The following TRMT5 variants were observed in gnomAD, a reference collection of about 807,000 sequenced individuals.
The protein encoded by TRMT5 is tRNA methyltransferase 5.
TRMT5 carries 31 observed loss-of-function variants against 42.2 expected under a neutral mutation model. The ratio of observed to expected loss-of-function variants is 0.73; its 90% CI spans 0.55 to 0.99. TRMT5 has a LOEUF of 0.99. TRMT5 is among the 50% of genes least tolerant of loss of function. The pLI is 0.00. For synonymous variants in TRMT5, 198 were observed against 209.6 expected, an observed-to-expected ratio of 0.94 and a Z score of 0.48; for missense variants, 568 against 595.0, an observed-to-expected ratio of 0.95 and a Z score of 0.47.
chr14:60,981,551 C>A (rs1466358771), upstream of TRMT5: 1 of 1,529,420 alleles, frequency 6.5e-7, no homozygotes, highest in Non-Finnish European at 8.7e-7. Context: ...ATGAGATTGG[C>A]GCAGTTATGA....
rs917273828 is a variant in TRMT5 at position 60,971,614 on chromosome 14, C to G, written c.*3495G>C. 1 of 189,482 alleles carries G rather than the reference C, an allele frequency of 5.3e-6. No homozygotes were observed. Among genetic ancestry groups the G allele is most frequent in the Non-Finnish European group, 1.0e-5 (1 of 95,544 alleles). The allele number at this position is 189,482 out of a possible 1,614,324, so 11.7% of individuals were successfully genotyped here. The stretch of plus-strand genomic sequence containing the variant: ...CTATAAAACCCAATGAAGTCCTCAT[C>G]TGATGCTCTGAACAGGGAAAGTTTA... On this transcript the variant is annotated 3_prime_UTR_variant, in exon 5 of 5. Coordinates refer to ENST00000261249, the MANE Select transcript of TRMT5 (RefSeq NM_020810.3).
Position 60,975,550 on chromosome 14 carries a change from G to T in TRMT5, c.1369C>A (p.Pro457Thr), listed in dbSNP as rs1285295322. 1 of 1,614,176 alleles carries T rather than the reference G, an allele frequency of 6.2e-7. No individual in the cohort carries two copies. The highest frequency in any genetic ancestry group is 1.7e-5 in the Admixed American group (1 of 60,024). ...SSVHLVRNVA[P>T]NKEMLCITFQ... ...GTGATGCACAGCATTTCCTTGTTTG[G>T]GGCCACATTTCTTACCAGGTGAACT... The change falls in exon 4 of 5, where the codon CCA (proline) becomes ACA (threonine). Residue 457 changes from proline to threonine, a missense_variant. Coordinates refer to ENST00000261249, the MANE Select transcript of TRMT5 (RefSeq NM_020810.3).
rs1270462148 is a variant in TRMT5, at chr14:60,971,475, T to C, written c.*3634A>G. The C allele has an allele frequency of 6.6e-6, 1 of 152,574 alleles. No individual in the cohort carries two copies. The highest frequency in any genetic ancestry group is 6.5e-5 in the Admixed American group (1 of 15,284). 9.5% of individuals were successfully genotyped at this position (152,574 alleles called of 1,614,324 possible). ...TCTTTCAAACTGTATCCAGCTTTAT[T>C]AAAGATACTTTCCATAAACAATCAT... On this transcript the variant is annotated 3_prime_UTR_variant, in exon 5 of 5. Coordinates refer to ENST00000261249, the MANE Select transcript of TRMT5 (RefSeq NM_020810.3).
chr14:60,976,794 C>T (rs1024456359), intron 3 of TRMT5, among the ~76,000 whole-genome samples: 1 of 152,246 alleles, frequency 6.6e-6, no homozygotes, highest in African/African-American at 2.4e-5. Flanking sequence ...TACAGTGAAG[C>T]TAATTCTTGA....
chr14:60,981,535 A>G (rs1253176604), upstream of TRMT5: 2 of 1,532,080 alleles, frequency 1.3e-6, no homozygotes, highest in African/African-American at 2.7e-5. Flanking sequence ...AGCCGCCGAG[A>G]TTCAGATGAG....
At position 60,975,531 on chromosome 14, in the gene TRMT5, C is replaced by T; in HGVS notation, c.1388G>A (p.Cys463Tyr). The part of the protein sequence containing the change: ...RNVAPNKEML[C>Y]ITFQIPASVL... ...AGAGGCAGGAATCTGAAACGTGATG[C>T]ACAGCATTTCCTTGTTTGGGGCCAC... is the stretch of plus-strand genomic sequence containing the variant. Residue 463 changes from cysteine (C) to tyrosine (Y), a missense_variant, in exon 4 of 5, where the codon TGC becomes TAC. Transcript: ENST00000261249. 1.2e-6 allele frequency: 2 copies of T among 1,614,202 alleles called. No individual in the cohort carries two copies. The highest frequency in any genetic ancestry group is 1.7e-6 in the Non-Finnish European group (2 of 1,180,024).
At position 60,974,476 on chromosome 14, in the gene TRMT5, T is replaced by C. The variant is rs1303022858; in HGVS notation, c.*633A>G. The C allele has an allele frequency of 1.3e-5, 2 of 152,326 alleles. No homozygotes were observed. Among genetic ancestry groups the C allele is most frequent in the African/African-American group, 4.8e-5 (2 of 41,466 alleles). The allele number at this position is 152,326 out of a possible 1,614,324, so 9.4% of individuals were successfully genotyped here. On this transcript the variant is annotated 3_prime_UTR_variant, in exon 5 of 5. Coordinates refer to ENST00000261249, the MANE Select transcript of TRMT5 (RefSeq NM_020810.3). ...CAGATGATATGTAAACAAATGAGCA[T>C]GGTATGTTCCAATCAAACTTTATGA...
At position 60,980,979 on chromosome 14, in the gene TRMT5, T is replaced by G; in HGVS notation, c.-6A>C. 1 of 1,611,662 alleles carries G rather than the reference T, an allele frequency of 6.2e-7. No homozygotes were observed. The highest frequency in any genetic ancestry group is 8.5e-7 in the Non-Finnish European group (1 of 1,179,928). The stretch of plus-strand genomic sequence containing the variant: ...CCACCTCACCAAAGCACCATTCCAA[T>G]TCCCCACGTCGCTCTGCAGCTGGAT... On this transcript the variant is annotated 5_prime_UTR_variant, in exon 1 of 5. Transcript: ENST00000261249.
At chr14:60,978,539 T>C (rs1182455226) in intron 2 of TRMT5, among the ~76,000 whole-genome samples, 1 of 152,224 alleles carries the variant, frequency 6.6e-6, no homozygotes, top group Non-Finnish European at 1.5e-5. Flanking sequence ...TGAAGGTCTA[T>C]AGTAAAAGCT....
chr14:60,980,776 AGTAAAAT>A (rs2036952833), intron 1 of TRMT5, 180 bp downstream of exon 1: 5 of 839,124 alleles, frequency 6.0e-6, no homozygotes, highest in Non-Finnish European at 9.2e-6. Context: ...TTTTCCCACC[AGTAAAAT>A]GTGGCGAAAG....
At position 60,981,055 on chromosome 14, in the gene TRMT5, G is replaced by A; in HGVS notation, c.-82C>T. 6.2e-7 allele frequency: 1 copy of A among 1,608,060 alleles called. No homozygotes were observed. The highest frequency in any genetic ancestry group is 8.5e-7 in the Non-Finnish European group (1 of 1,179,892). Reference sequence around the variant, plus strand: ...CTCCGGTACCGATCGGATGTGGGTCGCGGGTGGATGGGCGGGTCTTCTATG... The same window carrying A: ...CTCCGGTACCGATCGGATGTGGGTCACGGGTGGATGGGCGGGTCTTCTATG... On this transcript the variant is annotated 5_prime_UTR_variant, in exon 1 of 5. Transcript: ENST00000261249.
At chr14:60,977,395 G>A (rs1186117596) in intron 3 of TRMT5, 119 bp downstream of exon 3, 4 of 985,342 alleles carry the variant, frequency 4.1e-6, no homozygotes, top group East Asian at 5.3e-5. Flanking sequence ...ATACATAAGT[G>A]ATCACATTCT....
At chr14:60,981,092 GT>G, upstream of TRMT5, 1 of 1,596,172 alleles carries the variant, frequency 6.3e-7, no homozygotes, top group Non-Finnish European at 8.5e-7. Context: ...CATCATCACT[GT>G]TCGCCGCGAA....
intron 2 of TRMT5, among the ~76,000 whole-genome samples, chr14:60,978,604 GA>G (rs2036877758): frequency 6.6e-6 from 1 of 152,130 alleles, no homozygotes; most frequent in Non-Finnish European, 1.5e-5. Flanking sequence ...GTGCCTCTAT[GA>G]AAGAAAGTTT....
In TRMT5 at chr14:60,979,300, A is replaced by T; in HGVS notation, c.598T>A (p.Phe200Ile). The change falls in exon 2 of 5, where the codon TTT becomes ATT. Residue 200 changes from phenylalanine to isoleucine, a missense_variant. Phe to Ile is a conservative substitution (Grantham distance 21). Transcript: ENST00000261249. Reference sequence around the variant, plus strand: ...TGTGCAATATGTCCAATCCTGCTAAACCCTGAAGTTACATCTTGACCTTCA... The same window carrying T: ...TGTGCAATATGTCCAATCCTGCTAATCCCTGAAGTTACATCTTGACCTTCA... The part of the protein sequence containing the change: ...LPEGQDVTSG[F>I]SRIGHIAHLN... The T allele has an allele frequency of 6.2e-7, 1 of 1,614,120 alleles. No homozygotes were observed. Among genetic ancestry groups the T allele is most frequent in the Non-Finnish European group, 8.5e-7 (1 of 1,179,986 alleles).
At position 60,975,825 on chromosome 14, in the gene TRMT5, T is replaced by C; in HGVS notation, c.1094A>G (p.Lys365Arg). ...DGKDFLQGPV[K>R]EELMQLLGLS... ...ACCCAGCAGCTGCATTAACTCTTCT[T>C]TGACTGGTCCTTGGAGGAAGTCTTT... The change falls in exon 4 of 5, where the codon AAA (lysine) becomes AGA (arginine). Residue 365 changes from lysine (K) to arginine (R), a missense_variant. By Grantham distance (26) the Lys-to-Arg change is conservative. Transcript: ENST00000261249. 1 of 1,614,228 alleles carries C rather than the reference T, an allele frequency of 6.2e-7. No homozygotes were observed. Among genetic ancestry groups the C allele is most frequent in the Non-Finnish European group, 8.5e-7 (1 of 1,180,040 alleles).
chr14:60,981,335 C>A, upstream of TRMT5: 1 of 1,610,746 alleles, frequency 6.2e-7, no homozygotes. Context: ...CTCTGTCCAG[C>A]AGCCTGAAGA....
At position 60,977,597 on chromosome 14, in the gene TRMT5, CT is replaced by C. The variant is rs779739553; in HGVS notation, c.708del (p.Val237Ter). ...MIDKNPGITSAVNKINNIDNM... is the reference protein window; with the variant it reads ...MIDKNPGITSXVNKINNIDNM... ...TTGTCAATATTATTTATTTTATTTA[CT>C]GCTGAGGTGATTCCTGGATTTTTGT... is the stretch of plus-strand genomic sequence containing the variant. On this transcript the variant is annotated frameshift_variant, in exon 3 of 5. Transcript: ENST00000261249. LOFTEE classifies it high-confidence loss of function. 2.5e-6 allele frequency: 4 copies of C among 1,609,562 alleles called. No individual in the cohort carries two copies. The highest frequency in any genetic ancestry group is 1.1e-5 in the South Asian group (1 of 90,282).
chr14:60,976,957 A>T (rs1594925897), intron 3 of TRMT5, among the ~76,000 whole-genome samples: 1 of 152,210 alleles, frequency 6.6e-6, no homozygotes, highest in African/African-American at 2.4e-5. Context: ...CAGAAAGTTC[A>T]TAAGTTCTAT....
Sources: gnomAD v4.1 joint callset for allele counts (sites outside exome capture counted in the v4.1 genomes callset) on GRCh38, gnomAD v4.1.1 for gene constraint, MANE v1.5 for transcripts, NCBI Gene and HGNC (gene_info 2026-07-23, HGNC 2026-07-21) for gene names.